The following PBDC1 variants were observed in gnomAD, a reference collection of about 807,000 sequenced individuals.
PBDC1 encodes the protein protein PBDC1.
A neutral mutation model predicts 12.0 loss-of-function variants in PBDC1; 3 were observed. The ratio of observed to expected loss-of-function variants is 0.25; its 90% confidence interval spans 0.11 to 0.64. The LOEUF (loss-of-function observed/expected upper bound fraction) is 0.64. PBDC1 is among the 30% of genes least tolerant of loss of function. PBDC1 has a pLI of 0.84. For synonymous variants in PBDC1, 64 were observed against 56.4 expected, an observed-to-expected ratio of 1.13 and a Z score of -0.60; for missense variants, 162 against 168.1, an observed-to-expected ratio of 0.96 and a Z score of 0.20.
At position 76,175,536 on chromosome X, in the gene PBDC1, G is replaced by C; in HGVS notation, c.220G>C (p.Glu74Gln). 8.3e-7 allele frequency: 1 copy of C among 1,206,633 alleles called. No individual in the cohort carries two copies. The highest frequency in any genetic ancestry group is 1.1e-6 in the Non-Finnish European group (1 of 890,944). The change falls in exon 4 of 6, where the codon GAG becomes CAG. Residue 74 changes from glutamate (E) to glutamine (Q), a missense_variant. This residue lies in a region of PBDC1 where 21 missense variants were observed against 43.4 expected (regional missense o/e 0.48). Transcript: ENST00000373358. ...LTKVDDQIYS[E>Q]FRKNFETLRI... The stretch of plus-strand genomic sequence containing the variant: ...CAAAGTAGATGACCAAATTTACTCT[G>C]AGTTCCGGAAAAATTTTGAGACCCT...
Position 76,178,226 on chromosome X carries a change from AGGTATTTGACACTTGAAAT to A in PBDC1, c.*319_*337del, listed in dbSNP as rs1924840482. ...TCTATATCTGTGACTGACTTTAAAA[AGGTATTTGACACTTGAAAT>A]TTTTTTCAAATATGTAATCTCATCA... is the stretch of plus-strand genomic sequence containing the variant. On this transcript the variant is annotated 3_prime_UTR_variant, in exon 6 of 6. Transcript: ENST00000373358. 2 of 312,938 alleles carry A rather than the reference AGGTATTTGACACTTGAAAT, an allele frequency of 6.4e-6. No homozygotes were observed. The highest frequency in any genetic ancestry group is 5.6e-6 in the Non-Finnish European group (1 of 179,014). 25.8% of individuals were successfully genotyped at this position (312,938 alleles called of 1,213,427 possible).
intron 4 of PBDC1, among the ~76,000 whole-genome samples, chrX:76,176,258 G>A (rs1924790159): frequency 9.1e-6 from 1 of 109,494 alleles, no homozygotes; most frequent in Non-Finnish European, 1.9e-5. Flanking sequence ...AGCTCAAACA[G>A]TCCTCCTGCT....
intron 4 of PBDC1, among the ~76,000 whole-genome samples, chrX:76,176,615 G>A (rs1360866876): frequency 8.9e-6 from 1 of 111,900 alleles, no homozygotes; most frequent in Non-Finnish European, 1.9e-5. Context: ...CAAAACAATT[G>A]ACTTAAGAAA....
chrX:76,174,218 A>G (rs1556796708), intron 2 of PBDC1, among the ~76,000 whole-genome samples: 1 of 111,914 alleles, frequency 8.9e-6, no homozygotes, highest in East Asian at 2.8e-4. Flanking sequence ...CTTTACCTGT[A>G]TCCTCAAAGT....
At chrX:76,173,759 C>G (rs1166503880) in intron 2 of PBDC1, 109 bp downstream of exon 2, 19 of 415,126 alleles carry the variant, frequency 4.6e-5, no homozygotes, top group Non-Finnish European at 6.0e-5. Flanking sequence ...TACTGCAGAC[C>G]CTCTCCACTT....
Position 76,175,521 on chromosome X carries a change from G to A in PBDC1, c.205G>A (p.Asp69Asn). 8.3e-7 allele frequency: 1 copy of A among 1,205,898 alleles called. No individual in the cohort carries two copies. Among genetic ancestry groups the A allele is most frequent in the South Asian group, 1.8e-5 (1 of 56,787 alleles). Residue 69 changes from aspartate to asparagine, a missense_variant, in exon 4 of 6, where the codon GAC (aspartate) becomes AAC (asparagine). Around this residue, in one of 3 missense-constraint regions of PBDC1, gnomAD observed 21 missense variants for 43.4 expected, o/e 0.48. Transcript: ENST00000373358. ...GTTCCTGAAACTCACCAAAGTAGAT[G>A]ACCAAATTTACTCTGAGTTCCGGAA... is the stretch of plus-strand genomic sequence containing the variant. ...PQFLKLTKVDDQIYSEFRKNF... is the reference protein window; with the variant it reads ...PQFLKLTKVDNQIYSEFRKNF...
rs1556797087 is a variant in PBDC1 at position 76,177,667 on chromosome X, A to G, written c.461A>G (p.Tyr154Cys). Residue 154 changes from tyrosine to cysteine, a missense_variant, in exon 6 of 6, where the codon TAT (tyrosine) becomes TGT (cysteine). Tyr to Cys is a radical substitution (Grantham distance 194). Transcript: ENST00000373358. ...GAAATTGCTCGGAACCGGGAAGGCT[A>G]TAACAAAGCTGTTTATATCAGTGTT... ...AIEIARNREG[Y>C]NKAVYISVQD... 3 of 1,193,595 alleles carry G rather than the reference A, an allele frequency of 2.5e-6. No homozygotes were observed. The highest frequency in any genetic ancestry group is 2.5e-5 in the Admixed American group (1 of 40,012).
At chrX:76,175,833 C>A (rs781808081) in intron 4 of PBDC1, among the ~76,000 whole-genome samples, 1 of 111,062 alleles carries the variant, frequency 9.0e-6, no homozygotes, top group Non-Finnish European at 1.9e-5. Context: ...TTGTCTTGGA[C>A]ATTTTAAATC....
At position 76,177,934 on chromosome X, in the gene PBDC1, A is replaced by C. The variant is rs2147448165; in HGVS notation, c.*26A>C. The C allele has an allele frequency of 8.3e-7, 1 of 1,204,152 alleles. No individual in the cohort carries two copies. Among genetic ancestry groups the C allele is most frequent in the Non-Finnish European group, 1.1e-6 (1 of 892,004 alleles). ...GGTATACAGGGAACAGCACTCTAGA[A>C]GCTATGACTCAATTGAGACTACAAG... On this transcript the variant is annotated 3_prime_UTR_variant, in exon 6 of 6. Transcript: ENST00000373358.
Position 76,178,080 on chromosome X carries a change from T to A in PBDC1, c.*172T>A. 1 of 892,521 alleles carries A rather than the reference T, an allele frequency of 1.1e-6. No homozygotes were observed. The highest frequency in any genetic ancestry group is 1.5e-6 in the Non-Finnish European group (1 of 651,695). The allele number at this position is 892,521 out of a possible 1,213,427, so 73.6% of individuals were successfully genotyped here. A position where few individuals can be genotyped will look rare whatever the true frequency, so the allele number is the denominator to read the frequency against. ...AGGAGCTGCTCTGGTCATTCCCTTG[T>A]ATGAACTGGTCTAAAGACTGTTAGT... On this transcript the variant is annotated 3_prime_UTR_variant, in exon 6 of 6. Coordinates refer to ENST00000373358, the MANE Select transcript of PBDC1 (RefSeq NM_016500.5).
At chrX:76,174,258 G>C (rs1258288882) in intron 2 of PBDC1, among the ~76,000 whole-genome samples, 1 of 111,301 alleles carries the variant, frequency 9.0e-6, no homozygotes, top group African/African-American at 3.3e-5. Context: ...GGATTGGCAC[G>C]TGGGAAAAGT....
intron 3 of PBDC1, 142 bp from the exon 4 acceptor site, chrX:76,175,331 T>C: frequency 1.8e-6 from 1 of 559,331 alleles, no homozygotes; most frequent in Non-Finnish European, 2.9e-6. Context: ...GTGTCATGAT[T>C]TCATCTAGGA....
chrX:76,173,938 T>C, intron 2 of PBDC1, among the ~76,000 whole-genome samples: 1 of 112,171 alleles, frequency 8.9e-6, no homozygotes. Context: ...TCAGAATGTC[T>C]GGGTAATGAG....
At position 76,177,980 on chromosome X, in the gene PBDC1, A is replaced by C. The variant is rs782723141; in HGVS notation, c.*72A>C. On this transcript the variant is annotated 3_prime_UTR_variant, in exon 6 of 6. Transcript: ENST00000373358. ...ACAAGTACCACGGTGCTACTTGCACAGACCCCTTTGGTTAAATGTAAATTC... is the reference window on the plus strand; with the variant it reads ...ACAAGTACCACGGTGCTACTTGCACCGACCCCTTTGGTTAAATGTAAATTC... 1 of 1,182,119 alleles carries C rather than the reference A, an allele frequency of 8.5e-7. No homozygotes were observed. Among genetic ancestry groups the C allele is most frequent in the Admixed American group, 2.6e-5 (1 of 38,290 alleles).
intron 2 of PBDC1, among the ~76,000 whole-genome samples, chrX:76,173,976 C>T (rs1172956704): frequency 8.9e-6 from 1 of 112,119 alleles, no homozygotes; most frequent in East Asian, 2.8e-4. Flanking sequence ...TTTAAAGGGT[C>T]TCTGAGGGAT....
In PBDC1 at chrX:76,173,183, T is replaced by A. The variant is rs1556796586; in HGVS notation, c.30+15T>A. On this transcript the variant is annotated intron_variant, in intron 1 of 5. Coordinates refer to ENST00000373358, the MANE Select transcript of PBDC1 (RefSeq NM_016500.5). Reference sequence around the variant, plus strand: ...CTGATGAGCCGGTGAGACGCTGTTCTGGGGTCGGGTGAGTGGGGAGGTCGA... The same window carrying A: ...CTGATGAGCCGGTGAGACGCTGTTCAGGGGTCGGGTGAGTGGGGAGGTCGA... 8.6e-7 allele frequency: 1 copy of A among 1,160,696 alleles called. No individual in the cohort carries two copies. The highest frequency in any genetic ancestry group is 1.9e-5 in the South Asian group (1 of 51,364).
At chrX:76,177,363 AC>A (rs1384697277) in intron 5 of PBDC1, among the ~76,000 whole-genome samples, 3 of 110,797 alleles carry the variant, frequency 2.7e-5, no homozygotes, top group African/African-American at 9.9e-5. Context: ...AGCCTGGGCA[AC>A]ATAGGGAGAC....
At position 76,177,741 on chromosome X, in the gene PBDC1, G is replaced by A; in HGVS notation, c.535G>A (p.Ala179Thr). 8.3e-7 allele frequency: 1 copy of A among 1,209,636 alleles called. No individual in the cohort carries two copies. The highest frequency in any genetic ancestry group is 1.1e-6 in the Non-Finnish European group (1 of 894,745). Residue 179 changes from alanine (A) to threonine (T), a missense_variant, in exon 6 of 6, where the codon GCT becomes ACT. Physicochemically the swap from Ala to Thr is moderately conservative, Grantham distance 58 (BLOSUM62 0). Transcript: ENST00000373358. ...AGTCAACAATGGAGGAGAAAAAAGA[G>A]CTGACAGTGGAGAAGAAGAGAACAC... ...KGVNNGGEKR[A>T]DSGEEENTKN...
intron 2 of PBDC1, 95 bp downstream of exon 2, chrX:76,173,745 A>G: frequency 2.0e-6 from 1 of 490,986 alleles, no homozygotes; most frequent in East Asian, 4.2e-5. Flanking sequence ...ACGTCCTGAT[A>G]ATCTACTGCA....
Sources: allele counts gnomAD v4.1 joint callset (sites outside exome capture counted in the v4.1 genomes callset), GRCh38; gene constraint gnomAD v4.1.1; regional missense constraint gnomAD v4.1.1; transcripts MANE v1.5; gene names NCBI Gene and HGNC (gene_info 2026-07-23, HGNC 2026-07-21).